Variants in WFDC9 observed in about 807,000 individuals in gnomAD.
The protein encoded by WFDC9 is WAP four-disulfide core domain 9.
In WFDC9, 9 loss-of-function variants were observed where a neutral mutation model predicts 9.5. The observed-to-expected ratio is 0.95, with a 90% CI of 0.57 to 1.65. WFDC9 has a LOEUF of 1.65. WFDC9 is among the 40% of genes most tolerant of loss of function. WFDC9 has a pLI of 0.00. For synonymous variants in WFDC9, 33 were observed against 32.3 expected (o/e 1.02, Z -0.07); for missense variants, 87 against 106.7 (o/e 0.82, Z 0.81).
intron 1 of WFDC9, among the ~76,000 whole-genome samples, chr20:45,625,434 C>T (rs565959168): frequency 1.7e-4 from 26 of 152,270 alleles, no homozygotes; most frequent in African/African-American, 6.3e-4. Context: ...CGATTGTTTC[C>T]TTTGCTGTGC....
intron 1 of WFDC9, among the ~76,000 whole-genome samples, chr20:45,624,906 G>T (rs1326243102): frequency 3.9e-5 from 6 of 152,070 alleles, no homozygotes; most frequent in Non-Finnish European, 8.8e-5. Context: ...TGTCTGTTCA[G>T]ATCATTTGCC....
At position 45,607,946 on chromosome 20, in the gene WFDC9, G is replaced by T; in HGVS notation, c.*164C>A. On this transcript the variant is annotated 3_prime_UTR_variant, in exon 5 of 5. Coordinates refer to ENST00000326000, the MANE Select transcript of WFDC9 (RefSeq NM_147198.4). ...AAAAAATATGCAGAGCCCTCAGGTT[G>T]ATGTAGCAGTTTATTTGACAAAAGC... 1 of 786,018 alleles carries T rather than the reference G, an allele frequency of 1.3e-6. No individual in the cohort carries two copies. Among genetic ancestry groups the T allele is most frequent in the Non-Finnish European group, 2.2e-6 (1 of 461,322 alleles). 48.7% of individuals were successfully genotyped at this position (786,018 alleles called of 1,614,324 possible).
chr20:45,627,010 G>A (rs964715987), intron 1 of WFDC9, among the ~76,000 whole-genome samples: 1 of 152,072 alleles, frequency 6.6e-6, no homozygotes, highest in Non-Finnish European at 1.5e-5. Flanking sequence ...ATAATTTATT[G>A]AAAGTTTTTA....
At chr20:45,629,296 G>A (rs1482675183) in intron 1 of WFDC9, among the ~76,000 whole-genome samples, 3 of 152,024 alleles carry the variant, frequency 2.0e-5, no homozygotes, top group Admixed American at 1.3e-4. Context: ...TTGATTATTA[G>A]CATTTGAGAG....
intron 1 of WFDC9, among the ~76,000 whole-genome samples, chr20:45,619,166 A>G (rs578215881): frequency 8.3e-4 from 126 of 152,286 alleles, no homozygotes; most frequent in Admixed American, 1.6e-3. Flanking sequence ...GATTTCTAAG[A>G]TATTTATTTA....
At chr20:45,620,409 T>C (rs1024573819) in intron 1 of WFDC9, among the ~76,000 whole-genome samples, 7 of 152,090 alleles carry the variant, frequency 4.6e-5, no homozygotes, top group African/African-American at 1.7e-4. Flanking sequence ...CTGGCCAACA[T>C]GGAGAAACCC....
intron 1 of WFDC9, among the ~76,000 whole-genome samples, chr20:45,616,152 T>A (rs144232439): frequency 1.3e-5 from 2 of 152,356 alleles, no homozygotes; most frequent in East Asian, 3.9e-4. Flanking sequence ...CAATAGAATT[T>A]CTTTCAAAAT....
intron 1 of WFDC9, among the ~76,000 whole-genome samples, chr20:45,616,648 A>G (rs973452987): frequency 2.0e-5 from 3 of 152,206 alleles, no homozygotes; most frequent in Non-Finnish European, 4.4e-5. Flanking sequence ...AATAATTTTG[A>G]CTTGAAAGTC....
intron 1 of WFDC9, among the ~76,000 whole-genome samples, chr20:45,618,360 C>T (rs181800823): frequency 3.9e-5 from 6 of 152,284 alleles, no homozygotes; most frequent in East Asian, 3.9e-4. Flanking sequence ...CCTGTGTTCC[C>T]GGAGTAGAAC....
At chr20:45,616,142 C>A (rs1981971602) in intron 1 of WFDC9, among the ~76,000 whole-genome samples, 1 of 152,224 alleles carries the variant, frequency 6.6e-6, no homozygotes, top group Non-Finnish European at 1.5e-5. Context: ...ATTTTATACA[C>A]AATAGAATTT....
At chr20:45,623,777 G>A (rs977068440) in intron 1 of WFDC9, among the ~76,000 whole-genome samples, 10 of 152,128 alleles carry the variant, frequency 6.6e-5, no homozygotes, top group Admixed American at 2.0e-4. Context: ...TTTGTGTTGG[G>A]AACATTCAAT....
At chr20:45,630,892 CAA>C (rs373484014) in intron 1 of WFDC9, 6 of 1,604,664 alleles carry the variant, frequency 3.7e-6, no homozygotes, top group Middle Eastern at 1.7e-4. Context: ...CCCCAGAAAT[CAA>C]AGTCTGCCAG....
chr20:45,610,013 G>A lies in WFDC9; in HGVS notation c.91+78C>T. Reference sequence around the variant, plus strand: ...AGAGATCCTTTAAAGCCTGATTCTTGACATGCAGGCCCTGGATCAGCTACA... The same window carrying A: ...AGAGATCCTTTAAAGCCTGATTCTTAACATGCAGGCCCTGGATCAGCTACA... On this transcript the variant is annotated intron_variant, in intron 3 of 4. Transcript: ENST00000326000. 5 of 1,141,248 alleles carry A rather than the reference G, an allele frequency of 4.4e-6. No homozygotes were observed. In the South Asian group the frequency reaches 6.9e-5, roughly 16 times the overall value. The allele number at this position is 1,141,248 out of a possible 1,614,324, so 70.7% of individuals were successfully genotyped here. A position where few individuals can be genotyped will look rare whatever the true frequency, so the allele number is the denominator to read the frequency against.
At chr20:45,623,732 T>C (rs1336640240) in intron 1 of WFDC9, among the ~76,000 whole-genome samples, 5 of 152,330 alleles carry the variant, frequency 3.3e-5, no homozygotes, top group Admixed American at 2.6e-4. Flanking sequence ...ATCAGGGTAA[T>C]TAGCATACCC....
chr20:45,629,085 GTCTC>G (rs1210843451), intron 1 of WFDC9, among the ~76,000 whole-genome samples: 2 of 152,166 alleles, frequency 1.3e-5, no homozygotes, highest in Non-Finnish European at 2.9e-5. Flanking sequence ...CCCTACAATA[GTCTC>G]TCTTTCTGTG....
At chr20:45,626,388 T>C (rs532167010) in intron 1 of WFDC9, among the ~76,000 whole-genome samples, 34 of 152,340 alleles carry the variant, frequency 2.2e-4, no homozygotes, top group South Asian at 1.2e-3. Flanking sequence ...TAGGGTAGTA[T>C]GGTAATTTTA....
intron 1 of WFDC9, among the ~76,000 whole-genome samples, chr20:45,626,372 A>G (rs1982219789): frequency 6.6e-6 from 1 of 152,036 alleles, no homozygotes; most frequent in African/African-American, 2.4e-5. Flanking sequence ...GACTCTGTAG[A>G]TGGTTTAGGG....
intron 1 of WFDC9, chr20:45,630,844 A>G (rs754872788): frequency 6.4e-7 from 1 of 1,561,910 alleles, no homozygotes; most frequent in Non-Finnish European, 8.6e-7. Flanking sequence ...AACTGCGTTT[A>G]TTTACCGTTC....
At chr20:45,626,125 A>G (rs1026253343) in intron 1 of WFDC9, among the ~76,000 whole-genome samples, 3 of 150,678 alleles carry the variant, frequency 2.0e-5, no homozygotes, top group Admixed American at 2.0e-4. Context: ...CCTGGCCCTA[A>G]GTTCTCTATT....
Sources: gnomAD v4.1 joint callset for allele counts (sites outside exome capture counted in the v4.1 genomes callset) on GRCh38, gnomAD v4.1.1 for gene constraint, MANE v1.5 for transcripts, NCBI Gene and HGNC (gene_info 2026-07-23, HGNC 2026-07-21) for gene names.